Variants in NRG1 observed in about 807,000 individuals in gnomAD.
NRG1 encodes pro-neuregulin-1, membrane-bound isoform.
NRG1 carries 18 observed loss-of-function variants against 63.8 expected under a neutral mutation model. The ratio of observed to expected loss-of-function variants is 0.28; its 90% CI spans 0.19 to 0.42. The LOEUF (loss-of-function observed/expected upper bound fraction) is 0.42, where lower values mean the gene tolerates loss of function less well. Among genes scored for constraint, NRG1 ranks in the 10% least tolerant of loss-of-function variants. The pLI, the probability that NRG1 is intolerant of heterozygous loss-of-function variation, is 1.00. For missense variants in NRG1, 762 were observed against 814.7 expected (o/e 0.94, Z 0.79); for synonymous variants, 302 against 301.3 (o/e 1.00, Z -0.02).
At chr8:32,071,487 A>T (rs1400030177) in intron 1 of NRG1, among the ~76,000 whole-genome samples, 2 of 152,182 alleles carry the variant, frequency 1.3e-5, no homozygotes, top group Non-Finnish European at 2.9e-5. Context: ...CCTATCAGGG[A>T]TGCATTCCTG....
At chr8:32,065,894 G>A (rs917734311) in intron 1 of NRG1, among the ~76,000 whole-genome samples, 8 of 152,114 alleles carry the variant, frequency 5.3e-5, no homozygotes, top group East Asian at 1.9e-4. Flanking sequence ...GGTGTGAGAC[G>A]GTATCTCATT....
intron 1 of NRG1, among the ~76,000 whole-genome samples, chr8:32,298,360 C>T (rs1855140158): frequency 6.6e-6 from 1 of 152,172 alleles, no homozygotes; most frequent in Non-Finnish European, 1.5e-5. Context: ...GCTTTTAATT[C>T]TTCCTATTTC....
In NRG1 at chr8:31,830,186, A is replaced by C. The variant is rs143238717; in HGVS notation, c.37+190755A>C. ...TTACCAAAAAAAGAATGAATGAATG[A>C]ATAAATAAATAAACACAAGGGAATG... On this transcript the variant is annotated intron_variant, in intron 1 of 10. Transcript: ENST00000519301. 1.4e-4 allele frequency among the ~76,000 whole-genome samples: 21 copies of C among 152,340 alleles called. No homozygotes were observed. In the East Asian group the frequency reaches 4.1e-3, roughly 29 times the overall value.
At chr8:32,159,716 G>T (rs1262389105) in intron 1 of NRG1, among the ~76,000 whole-genome samples, 1 of 152,002 alleles carries the variant, frequency 6.6e-6, no homozygotes, top group Non-Finnish European at 1.5e-5. Flanking sequence ...TGTGAAAAAG[G>T]CTTACATTAT....
At chr8:31,854,067 A>G (rs1002839895) in intron 1 of NRG1, among the ~76,000 whole-genome samples, 11 of 151,070 alleles carry the variant, frequency 7.3e-5, no homozygotes, top group South Asian at 2.1e-4. Context: ...ATTGGTCTAA[A>G]ATTCTCTTTT....
intron 1 of NRG1, among the ~76,000 whole-genome samples, chr8:32,050,110 T>C (rs1795064680): frequency 6.6e-6 from 1 of 152,114 alleles, no homozygotes; most frequent in Non-Finnish European, 1.5e-5. Flanking sequence ...ATAAGGTTAT[T>C]TGTATAAAGA....
chr8:31,669,129 C>T (rs1806843527), intron 1 of NRG1, among the ~76,000 whole-genome samples: 1 of 152,144 alleles, frequency 6.6e-6, no homozygotes, highest in Non-Finnish European at 1.5e-5. Context: ...GGTCATGGCT[C>T]ACTGCAGACT....
At chr8:32,596,036 G>GC (rs762128178) in intron 2 of NRG1, 31 bp downstream of exon 2, 2 of 1,532,964 alleles carry the variant, frequency 1.3e-6, no homozygotes, top group Admixed American at 1.9e-5. Context: ...AGTAGAGACT[G>GC]CCCCCAGCAA....
At chr8:31,722,557 A>G (rs1294279421) in intron 1 of NRG1, among the ~76,000 whole-genome samples, 1 of 152,108 alleles carries the variant, frequency 6.6e-6, no homozygotes, top group Non-Finnish European at 1.5e-5. Flanking sequence ...CTGTATTTTA[A>G]TTCACTGCCT....
intron 1 of NRG1, among the ~76,000 whole-genome samples, chr8:31,764,764 G>A (rs1274220097): frequency 6.6e-6 from 1 of 151,672 alleles, no homozygotes; most frequent in East Asian, 1.9e-4. Flanking sequence ...TATACTTTAA[G>A]TTTTAGGGTA....
chr8:32,405,857 TTTTTTGTGAGAATCTGA>T (rs1813898616), intron 1 of NRG1, among the ~76,000 whole-genome samples: 1 of 152,246 alleles, frequency 6.6e-6, no homozygotes, highest in African/African-American at 2.4e-5. Flanking sequence ...AAAAATTTAC[TTTTTTGTGAGAATCTGA>T]TTTTTGTGAG....
At chr8:32,746,341 A>T (rs780492978) in intron 7 of NRG1, among the ~76,000 whole-genome samples, 9 of 152,196 alleles carry the variant, frequency 5.9e-5, no homozygotes, top group Non-Finnish European at 1.2e-4. Context: ...TCTCAGCGGT[A>T]CAGAAAGTCA....
At chr8:31,999,047 T>G (rs1812493645) in intron 1 of NRG1, among the ~76,000 whole-genome samples, 1 of 150,892 alleles carries the variant, frequency 6.6e-6, no homozygotes, top group African/African-American at 2.4e-5. Flanking sequence ...ATATAGTTCT[T>G]TTTTTTTTCT....
At chr8:32,040,740 A>T (rs1277722702) in intron 1 of NRG1, among the ~76,000 whole-genome samples, 4,283 of 15,722 alleles carry the variant, frequency 0.27, 151 homozygotes, top group Middle Eastern at 0.5. Context: ...ATATATATGA[A>T]ATTTAGGCGC....
intron 1 of NRG1, among the ~76,000 whole-genome samples, chr8:32,177,345 G>A (rs1320359358): frequency 1.3e-5 from 2 of 149,788 alleles, no homozygotes; most frequent in African/African-American, 4.9e-5. Context: ...GTGGGAGGGG[G>A]GAGGGATAGC....
At chr8:32,560,398 A>G (rs1171969250) in intron 1 of NRG1, among the ~76,000 whole-genome samples, 1 of 152,198 alleles carries the variant, frequency 6.6e-6, no homozygotes, top group African/African-American at 2.4e-5. Flanking sequence ...AAAAGCCACA[A>G]AGTCATATCT....
At chr8:32,481,207 T>TG (rs1233235222) in intron 1 of NRG1, among the ~76,000 whole-genome samples, 3 of 151,410 alleles carry the variant, frequency 2.0e-5, no homozygotes, top group East Asian at 1.9e-4. Context: ...GCTGGGTATG[T>TG]GGGGGGTGCA....
At chr8:32,033,572 A>G (rs1325617356) in intron 1 of NRG1, among the ~76,000 whole-genome samples, 1 of 152,168 alleles carries the variant, frequency 6.6e-6, no homozygotes, top group Non-Finnish European at 1.5e-5. Context: ...GATTCTTCCT[A>G]TCCATGATTA....
At chr8:32,173,676 G>T (rs971855127) in intron 1 of NRG1, among the ~76,000 whole-genome samples, 41 of 152,242 alleles carry the variant, frequency 2.7e-4, no homozygotes, top group Admixed American at 2.4e-3. Flanking sequence ...ACAAAAAAAG[G>T]CAGGGATTAC....
Sources: gnomAD v4.1 joint callset for allele counts (sites outside exome capture counted in the v4.1 genomes callset) on GRCh38, gnomAD v4.1.1 for gene constraint, MANE v1.5 for transcripts, NCBI Gene and HGNC (gene_info 2026-07-23, HGNC 2026-07-21) for gene names.